Variants in DOCK3 observed in about 807,000 individuals in gnomAD.
DOCK3 encodes the protein dedicator of cytokinesis 3, also known as dedicator of cytokinesis protein 3.
DOCK3 carries 60 observed loss-of-function variants against 265.6 expected under a neutral mutation model. The observed-to-expected ratio is 0.23, with a 90% CI of 0.18 to 0.28. The LOEUF (loss-of-function observed/expected upper bound fraction) is 0.28. DOCK3 is among the 10% of genes least tolerant of loss of function. DOCK3 has a pLI of 1.00. For missense variants in DOCK3, 1,981 were observed against 2,594.3 expected (o/e 0.76, Z 5.14); for synonymous variants, 881 against 938.0 (o/e 0.94, Z 1.11).
chr3:51,039,242 C>T (rs1447185790), intron 5 of DOCK3, among the ~76,000 whole-genome samples: 5 of 152,120 alleles, frequency 3.3e-5, no homozygotes, highest in Admixed American at 6.6e-5. Flanking sequence ...GTGATCTGCC[C>T]GACTCGGCCT....
chr3:51,310,386 T>A, intron 28 of DOCK3, 60 bp downstream of exon 28: 2 of 1,428,878 alleles, frequency 1.4e-6, no homozygotes, highest in South Asian at 2.4e-5. Flanking sequence ...AAGAAGAGTA[T>A]GTGTATTTCA....
intron 7 of DOCK3, 53 bp downstream of exon 7, chr3:51,075,493 T>C: frequency 3.5e-6 from 5 of 1,414,580 alleles, no homozygotes; most frequent in African/African-American, 1.5e-5. Context: ...TTTTTTCTCT[T>C]TTGTTTATTT....
chr3:50,984,964 G>A (rs981363309), intron 5 of DOCK3, among the ~76,000 whole-genome samples: 2 of 152,148 alleles, frequency 1.3e-5, no homozygotes, highest in Non-Finnish European at 1.5e-5. Flanking sequence ...TGTAAGTGAC[G>A]AGTATCTATG....
At chr3:51,051,892 T>C (rs1420031242) in intron 5 of DOCK3, among the ~76,000 whole-genome samples, 1 of 151,914 alleles carries the variant, frequency 6.6e-6, no homozygotes, top group Non-Finnish European at 1.5e-5. Flanking sequence ...CCATACACTT[T>C]TAAACAACCA....
intron 2 of DOCK3, among the ~76,000 whole-genome samples, chr3:50,829,244 T>C (rs1256373671): frequency 6.6e-6 from 1 of 152,194 alleles, no homozygotes; most frequent in Non-Finnish European, 1.5e-5. Flanking sequence ...GTGTTTTCTT[T>C]TAGCATTTTA....
At chr3:50,856,837 T>C (rs960214722) in intron 3 of DOCK3, among the ~76,000 whole-genome samples, 2 of 152,190 alleles carry the variant, frequency 1.3e-5, no homozygotes, top group African/African-American at 4.8e-5. Flanking sequence ...ATGGCTCTTA[T>C]TATTTTGAGG....
At chr3:51,319,693 C>T (rs573903733) in intron 32 of DOCK3, among the ~76,000 whole-genome samples, 3 of 152,028 alleles carry the variant, frequency 2.0e-5, no homozygotes, top group East Asian at 1.9e-4. Context: ...GGTGAAACCC[C>T]GTCTCTACTA....
At chr3:50,790,836 C>T (rs2042434285) in intron 2 of DOCK3, among the ~76,000 whole-genome samples, 1 of 152,074 alleles carries the variant, frequency 6.6e-6, no homozygotes, top group African/African-American at 2.4e-5. Flanking sequence ...GATGGTATCT[C>T]ATTGTGATTT....
Position 50,977,382 on chromosome 3 carries a change from G to T in DOCK3, c.315+43305G>T, listed in dbSNP as rs377357374. 6.7e-3 allele frequency among the ~76,000 whole-genome samples: 1,007 copies of T among 151,198 alleles called. 6 individuals carry two copies. The highest frequency in any genetic ancestry group is 0.023 in the African/African-American group (933 of 41,342). ...AGCATTTGCTTGTCTGTAAAGTATT[G>T]TATTTCTCCTTCACTTATGAAGCTT... On this transcript the variant is annotated intron_variant, in intron 5 of 52. Coordinates refer to ENST00000266037, the MANE Select transcript of DOCK3 (RefSeq NM_004947.5).
chr3:51,256,542 A>C (rs1343953227), intron 22 of DOCK3, among the ~76,000 whole-genome samples: 1 of 148,790 alleles, frequency 6.7e-6, no homozygotes, highest in Admixed American at 6.7e-5. Flanking sequence ...AAGTTCTGGG[A>C]TTACAGGTGT....
chr3:50,896,260 G>A (rs2048889975), intron 4 of DOCK3, among the ~76,000 whole-genome samples: 1 of 152,132 alleles, frequency 6.6e-6, no homozygotes, highest in Non-Finnish European at 1.5e-5. Flanking sequence ...GTGATGATGA[G>A]CTTTTTCTCA....
chr3:51,289,093 A>G (rs1258039299), intron 27 of DOCK3, among the ~76,000 whole-genome samples: 2 of 152,176 alleles, frequency 1.3e-5, no homozygotes, highest in African/African-American at 4.8e-5. Context: ...CGTATATACC[A>G]TGGAATTCTA....
intron 5 of DOCK3, among the ~76,000 whole-genome samples, chr3:51,001,134 C>G (rs2078470899): frequency 6.6e-6 from 1 of 152,118 alleles, no homozygotes; most frequent in Non-Finnish European, 1.5e-5. Context: ...ATTGAGCTGC[C>G]AAATATTTAG....
chr3:50,889,197 A>G (rs1290747033), intron 3 of DOCK3, among the ~76,000 whole-genome samples: 3 of 151,568 alleles, frequency 2.0e-5, no homozygotes, highest in African/African-American at 7.3e-5. Context: ...TCTGGGCTCA[A>G]GTCATCCTCC....
intron 5 of DOCK3, among the ~76,000 whole-genome samples, chr3:51,035,992 A>G (rs2080248152): frequency 6.6e-6 from 1 of 152,170 alleles, no homozygotes; most frequent in South Asian, 2.1e-4. Flanking sequence ...TCCCTTGGCC[A>G]GAAAGGTGAC....
At chr3:50,981,113 C>A (rs1017975444) in intron 5 of DOCK3, among the ~76,000 whole-genome samples, 1 of 152,172 alleles carries the variant, frequency 6.6e-6, no homozygotes, top group African/African-American at 2.4e-5. Flanking sequence ...CCTCTTAGCA[C>A]AGCTTTTGCT....
rs1020918959 is a variant in DOCK3 at position 51,361,068 on chromosome 3, G to A, written c.5006+436G>A. On this transcript the variant is annotated intron_variant, in intron 47 of 52. Coordinates refer to ENST00000266037, the MANE Select transcript of DOCK3 (RefSeq NM_004947.5). This position sits in a 1 kb window ranked among gnomAD's most constrained non-coding sequence, Gnocchi z 4.2. ...TCAGCTCTGAGTGGGCCTTGTTCATGCAGGCCTTTGGACTTGATCCCAAGG... is the reference window on the plus strand; with the variant it reads ...TCAGCTCTGAGTGGGCCTTGTTCATACAGGCCTTTGGACTTGATCCCAAGG... 1.3e-5 allele frequency among the ~76,000 whole-genome samples: 2 copies of A among 152,162 alleles called. No homozygotes were observed. Among genetic ancestry groups the A allele is most frequent in the Non-Finnish European group, 2.9e-5 (2 of 68,026 alleles).
At chr3:51,083,913 G>A (rs1358003850) in intron 7 of DOCK3, among the ~76,000 whole-genome samples, 1 of 152,164 alleles carries the variant, frequency 6.6e-6, no homozygotes, top group Non-Finnish European at 1.5e-5. Context: ...GAACCCAGGA[G>A]GCGAAGGTTG....
chr3:51,249,447 A>C, intron 22 of DOCK3, among the ~76,000 whole-genome samples: 1 of 96,968 alleles, frequency 1.0e-5, no homozygotes, highest in South Asian at 4.3e-4. Context: ...GGCCGCCCCT[A>C]CTGGGAAGTG....
Sources: gnomAD v4.1 joint callset for allele counts (sites outside exome capture counted in the v4.1 genomes callset) on GRCh38, gnomAD v4.1.1 for gene constraint, Gnocchi (gnomAD v3.1) non-coding constraint, MANE v1.5 for transcripts, NCBI Gene and HGNC (gene_info 2026-07-23, HGNC 2026-07-21) for gene names.